Variants in MKX observed in about 807,000 individuals in gnomAD.
MKX encodes homeobox protein Mohawk.
A neutral mutation model predicts 36.0 loss-of-function variants in MKX; 13 were observed. The observed-to-expected ratio is 0.36, with a 90% CI of 0.24 to 0.57. The LOEUF (loss-of-function observed/expected upper bound fraction) is 0.57, where lower values mean the gene tolerates loss of function less well. Among genes scored for constraint, MKX ranks in the 20% least tolerant of loss-of-function variants. MKX has a pLI of 0.79. For synonymous variants in MKX, 176 were observed against 178.3 expected, an observed-to-expected ratio of 0.99 and a Z score of 0.10; for missense variants, 458 against 456.4, an observed-to-expected ratio of 1.00 and a Z score of -0.03.
In MKX at chr10:27,741,105, G is replaced by C. The variant is rs11006697; in HGVS notation, c.348+240C>G. Among the ~76,000 whole-genome samples the C allele has an allele frequency of 0.016, 2,435 of 152,246 alleles. 162 individuals are homozygous for C. In the East Asian group the frequency reaches 0.2, roughly 12 times the overall value. ...ATGCTCACTAATGTTGAACCTTCTCGTAAGTCTGCAGTTTACTTTTCACTT... is the reference window on the plus strand; with the variant it reads ...ATGCTCACTAATGTTGAACCTTCTCCTAAGTCTGCAGTTTACTTTTCACTT... On this transcript the variant is annotated intron_variant, in intron 3 of 6. Coordinates refer to ENST00000419761, the MANE Select transcript of MKX (RefSeq NM_173576.3). This position sits in a 1 kb window ranked among gnomAD's most constrained non-coding sequence, Gnocchi z 5.1.
intron 3 of MKX, among the ~76,000 whole-genome samples, chr10:27,737,080 A>C (rs1262764637): frequency 1.3e-5 from 2 of 152,164 alleles, no homozygotes; most frequent in Non-Finnish European, 2.9e-5. Context: ...TCCCAGAAGG[A>C]CTAGCGGAAA....
intron 5 of MKX, among the ~76,000 whole-genome samples, chr10:27,701,587 AATT>A (rs892054431): frequency 3.4e-5 from 5 of 145,472 alleles, no homozygotes; most frequent in African/African-American, 9.9e-5. Flanking sequence ...TATAATATAA[AATT>A]ATTGTTTTTA....
chr10:27,681,600 G>C (rs1375052363), intron 5 of MKX, among the ~76,000 whole-genome samples: 1 of 152,044 alleles, frequency 6.6e-6, no homozygotes, highest in Admixed American at 6.6e-5. Flanking sequence ...TGTTATTTGA[G>C]AGTGTGCTCC....
rs374084111 is a variant in MKX, at chr10:27,679,646, A to C, written c.839-4092T>G. On this transcript the variant is annotated intron_variant, in intron 5 of 6. Coordinates refer to ENST00000419761, the MANE Select transcript of MKX (RefSeq NM_173576.3). ...TTTGTGCTTTTTTAGGAAAGCAAGG[A>C]CTCTAAAGATCTGGGAGTCTGGGGA... Among the ~76,000 whole-genome samples, 260 of 152,136 alleles carry C rather than the reference A, an allele frequency of 1.7e-3. 3 individuals carry two copies. Among genetic ancestry groups the C allele is most frequent in the South Asian group, 4.6e-3 (22 of 4,804 alleles).
rs1836103905 is a variant in MKX, at chr10:27,674,422, A to T, written c.*807T>A. ...GATTATGTTTTAAAACTACAGGTTTAGTTTTACACAGGAAAATTTTGAGTT... is the reference window on the plus strand; with the variant it reads ...GATTATGTTTTAAAACTACAGGTTTTGTTTTACACAGGAAAATTTTGAGTT... On this transcript the variant is annotated 3_prime_UTR_variant, in exon 7 of 7. Coordinates refer to ENST00000419761, the MANE Select transcript of MKX (RefSeq NM_173576.3). 1.3e-5 allele frequency: 2 copies of T among 152,676 alleles called. No individual in the cohort carries two copies. The allele number at this position is 152,676 out of a possible 1,614,324, so 9.5% of individuals were successfully genotyped here.
chr10:27,704,775 C>G (rs924197407), intron 5 of MKX, among the ~76,000 whole-genome samples: 8 of 152,158 alleles, frequency 5.3e-5, no homozygotes, highest in Admixed American at 3.3e-4. Flanking sequence ...TTGCAATACT[C>G]CCTTTAAAGT....
rs573069574 is a variant in MKX, at chr10:27,729,367, T to A, written c.838+5089A>T. Among the ~76,000 whole-genome samples the A allele has an allele frequency of 8.2e-5, 12 of 146,602 alleles. No homozygotes were observed. In the South Asian group the frequency reaches 2.6e-3, roughly 32 times the overall value. On this transcript the variant is annotated intron_variant, in intron 5 of 6. Coordinates refer to ENST00000419761, the MANE Select transcript of MKX (RefSeq NM_173576.3). ...GGAGTGCAGTGGCATGATCTCGTGA[T>A]CTCGGCTCAGTGCAACCTCCACCAC...
intron 5 of MKX, among the ~76,000 whole-genome samples, chr10:27,731,008 C>A (rs1589691648): frequency 6.6e-6 from 1 of 151,488 alleles, no homozygotes; most frequent in Non-Finnish European, 1.5e-5. Flanking sequence ...GTGGCACGCA[C>A]CTGTAATCCC....
chr10:27,716,620 TAGAC>T (rs1836969738), intron 5 of MKX, among the ~76,000 whole-genome samples: 1 of 152,186 alleles, frequency 6.6e-6, no homozygotes, highest in African/African-American at 2.4e-5. Flanking sequence ...CTAACTTACT[TAGAC>T]AGGATTTGAT....
At chr10:27,699,514 C>A (rs558329615) in intron 5 of MKX, among the ~76,000 whole-genome samples, 1 of 152,168 alleles carries the variant, frequency 6.6e-6, no homozygotes, top group Non-Finnish European at 1.5e-5. Context: ...AGAACGAATA[C>A]GTCAATAACG....
At chr10:27,694,796 T>A (rs886378671) in intron 5 of MKX, among the ~76,000 whole-genome samples, 1 of 151,770 alleles carries the variant, frequency 6.6e-6, no homozygotes, top group Non-Finnish European at 1.5e-5. Context: ...AGTTACTGCC[T>A]TGAATCAAAG....
At chr10:27,705,958 C>T (rs930048899) in intron 5 of MKX, among the ~76,000 whole-genome samples, 1 of 152,126 alleles carries the variant, frequency 6.6e-6, no homozygotes, top group Admixed American at 6.5e-5. Context: ...GTTGTGCAAC[C>T]ATTACCACTA....
In MKX at chr10:27,704,292, A is replaced by G. The variant is rs191423646; in HGVS notation, c.839-28738T>C. Among the ~76,000 whole-genome samples the G allele has an allele frequency of 9.9e-4, 151 of 152,302 alleles. 1 individual carries two copies. The highest frequency in any genetic ancestry group is 3.4e-3 in the African/African-American group (140 of 41,572). On this transcript the variant is annotated intron_variant, in intron 5 of 6. Coordinates refer to ENST00000419761, the MANE Select transcript of MKX (RefSeq NM_173576.3). ...ATAATTACTTTGTAAATGTAACACA[A>G]TTTCATTAAAAGTAACAAAAGCATT...
At chr10:27,681,400 G>T (rs2132492417) in intron 5 of MKX, among the ~76,000 whole-genome samples, 1 of 152,254 alleles carries the variant, frequency 6.6e-6, no homozygotes, top group African/African-American at 2.4e-5. Context: ...AGTGAGCCAA[G>T]ATCTCGCCAT....
At chr10:27,717,788 G>A (rs952363198) in intron 5 of MKX, among the ~76,000 whole-genome samples, 4 of 152,196 alleles carry the variant, frequency 2.6e-5, no homozygotes, top group Admixed American at 6.5e-5. Flanking sequence ...CCTCATCAGC[G>A]TGATTTTAGC....
rs72629778 is a variant in MKX at position 27,732,306 on chromosome 10, T to C, written c.838+2150A>G. Among the ~76,000 whole-genome samples, 2,367 of 152,300 alleles carry C rather than the reference T, an allele frequency of 0.016. 155 individuals are homozygous for C. The East Asian group carries it at 0.2, about 13-fold the overall frequency. On this transcript the variant is annotated intron_variant, in intron 5 of 6. Coordinates refer to ENST00000419761, the MANE Select transcript of MKX (RefSeq NM_173576.3). The stretch of plus-strand genomic sequence containing the variant: ...CATGTGTTTTGGGAATTGGATTGAC[T>C]AAAAATCTTAATTTTTCCCTAGTTA...
intron 5 of MKX, among the ~76,000 whole-genome samples, chr10:27,699,596 T>G (rs767278959): frequency 5.9e-5 from 9 of 152,168 alleles, no homozygotes; most frequent in Non-Finnish European, 1.3e-4. Flanking sequence ...AAATTGTTTT[T>G]AAAAACCCAC....
At chr10:27,686,183 G>A (rs570686481) in intron 5 of MKX, among the ~76,000 whole-genome samples, 4 of 152,106 alleles carry the variant, frequency 2.6e-5, no homozygotes, top group African/African-American at 9.7e-5. Context: ...TCTAAATGGT[G>A]AGAAATGAAT....
intron 3 of MKX, among the ~76,000 whole-genome samples, chr10:27,736,498 G>T (rs1299534447): frequency 5.3e-5 from 8 of 151,994 alleles, no homozygotes; most frequent in Non-Finnish European, 7.4e-5. Flanking sequence ...GCCTTTAAAA[G>T]AATGAAACAT....
Sources: gnomAD v4.1 joint callset for allele counts (sites outside exome capture counted in the v4.1 genomes callset) on GRCh38, gnomAD v4.1.1 for gene constraint, Gnocchi (gnomAD v3.1) non-coding constraint, MANE v1.5 for transcripts, NCBI Gene and HGNC (gene_info 2026-07-23, HGNC 2026-07-21) for gene names.